C12orf42: variants seen among roughly 807,000 people sequenced by gnomAD.
The protein encoded by C12orf42 is uncharacterized protein C12orf42.
In C12orf42, 25 loss-of-function variants were observed where a neutral mutation model predicts 21.6. The observed-to-expected ratio is 1.16, with a 90% confidence interval of 0.84 to 1.62. The LOEUF (loss-of-function observed/expected upper bound fraction) is 1.62, where lower values mean the gene tolerates loss of function less well. Ranked by LOEUF, C12orf42 falls within the 40% of genes most tolerant of loss-of-function variation. The pLI, the probability that C12orf42 is intolerant of heterozygous loss-of-function variation, is 0.00. For missense variants in C12orf42, 483 were observed against 459.3 expected (o/e 1.05, Z -0.47); for synonymous variants, 174 against 175.0 (o/e 0.99, Z 0.05).
At chr12:103,158,064 G>A in the C12orf42 span, among the ~76,000 whole-genome samples, 1 of 152,050 alleles carries the variant, frequency 6.6e-6, no homozygotes, top group South Asian at 2.1e-4. Flanking sequence ...CAATAAAAAA[G>A]TATTTTCATT....
intron 3 of C12orf42, among the ~76,000 whole-genome samples, chr12:103,381,832 G>A (rs553338147): frequency 6.6e-6 from 1 of 152,082 alleles, no homozygotes; most frequent in Non-Finnish European, 1.5e-5. Flanking sequence ...CAGGAGAATG[G>A]CATGAACCTG....
the C12orf42 span, among the ~76,000 whole-genome samples, chr12:103,541,662 A>T: frequency 6.6e-6 from 1 of 152,030 alleles, no homozygotes; most frequent in South Asian, 2.1e-4. Flanking sequence ...TGTACTTACA[A>T]AAAAAAAGTT....
chr12:103,345,499 A>G lies in C12orf42; in HGVS notation c.259+23388T>C, dbSNP rs188723348. ...TTTACCATCACCACCTTTGCAGATT[A>G]AACCAATTAATCAGAAAATTATGGG... On this transcript the variant is annotated intron_variant, in intron 4 of 5. Coordinates refer to ENST00000548883, the MANE Select transcript of C12orf42 (RefSeq NM_198521.5). 3.3e-3 allele frequency among the ~76,000 whole-genome samples: 508 copies of G among 152,308 alleles called. 4 individuals carry two copies. The highest frequency in any genetic ancestry group is 0.011 in the African/African-American group (478 of 41,570).
chr12:103,077,631 T>C, the C12orf42 span, among the ~76,000 whole-genome samples: 17 of 152,168 alleles, frequency 1.1e-4, no homozygotes, highest in Non-Finnish European at 2.4e-4. Flanking sequence ...TTGAGCCTCT[T>C]GGAGACAAGG....
At chr12:103,069,606 A>G in the C12orf42 span, among the ~76,000 whole-genome samples, 4 of 152,304 alleles carry the variant, frequency 2.6e-5, no homozygotes, top group East Asian at 7.7e-4. Context: ...TTTCTACTGC[A>G]TGCGTATTGC....
Position 103,445,772 on chromosome 12 carries a change from C to G in C12orf42, c.78+32577G>C, listed in dbSNP as rs865920061. Among the ~76,000 whole-genome samples the G allele has an allele frequency of 3.3e-4, 50 of 152,096 alleles. 1 individual carries two copies. The highest frequency in any genetic ancestry group is 2.3e-3 in the South Asian group (11 of 4,820). ...CTTTAAGTACTATACTTATCAAGAC[C>G]TTTCTTTATAGTTAGTACTCTTTGG... On this transcript the variant is annotated intron_variant, in intron 2 of 5. Coordinates refer to ENST00000548883, the MANE Select transcript of C12orf42 (RefSeq NM_198521.5).
At chr12:103,532,631 CTTTG>C in the C12orf42 span, among the ~76,000 whole-genome samples, 1,224 of 152,220 alleles carry the variant, frequency 8.0e-3, 10 homozygotes, top group African/African-American at 0.028. Flanking sequence ...CTCTATTTTA[CTTTG>C]TTTAATTCTC....
At chr12:103,305,887 C>A in intron 5 of C12orf42, 87 bp downstream of exon 5, 1 of 1,451,358 alleles carries the variant, frequency 6.9e-7, no homozygotes, top group Non-Finnish European at 9.3e-7. Context: ...GCCATGAAGT[C>A]AATATTTTTT....
chr12:103,369,353 A>C (rs1417590479), intron 3 of C12orf42, among the ~76,000 whole-genome samples: 1 of 152,086 alleles, frequency 6.6e-6, no homozygotes, highest in Non-Finnish European at 1.5e-5. Context: ...GTGACAAAAA[A>C]AAACAAATAT....
chr12:103,087,128 C>T, the C12orf42 span, among the ~76,000 whole-genome samples: 6 of 152,098 alleles, frequency 3.9e-5, no homozygotes, highest in African/African-American at 1.4e-4. Context: ...GGTACACGTG[C>T]AGGTTTATCA....
intron 4 of C12orf42, among the ~76,000 whole-genome samples, chr12:103,333,455 G>C (rs559627080): frequency 1.3e-5 from 2 of 152,246 alleles, no homozygotes; most frequent in African/African-American, 4.8e-5. Context: ...GAACTACAAA[G>C]CTCACTCTTT....
the C12orf42 span, among the ~76,000 whole-genome samples, chr12:103,149,153 T>G: frequency 6.6e-6 from 1 of 152,152 alleles, no homozygotes. Flanking sequence ...AGACTGGGAT[T>G]AAATTGCATC....
At chr12:103,048,096 C>T in the C12orf42 span, among the ~76,000 whole-genome samples, 1 of 151,824 alleles carries the variant, frequency 6.6e-6, no homozygotes, top group Non-Finnish European at 1.5e-5. Context: ...ACTGAAGTGA[C>T]TGACTAGGAT....
the C12orf42 span, among the ~76,000 whole-genome samples, chr12:103,201,133 C>A: frequency 7.4e-4 from 112 of 152,304 alleles, no homozygotes; most frequent in Middle Eastern, 0.014. Context: ...GTGTGACATG[C>A]CATCAGGCAT....
chr12:103,174,326 A>G, the C12orf42 span, among the ~76,000 whole-genome samples: 210 of 152,338 alleles, frequency 1.4e-3, no homozygotes, highest in South Asian at 0.018. Context: ...TTGAGAACAA[A>G]AGGACTAATG....
intron 2 of C12orf42, among the ~76,000 whole-genome samples, chr12:103,410,398 T>C (rs1383973661): frequency 4.6e-5 from 7 of 152,204 alleles, no homozygotes; most frequent in South Asian, 2.1e-4. Flanking sequence ...CATCTGTGAG[T>C]CAAGACCCTT....
the C12orf42 span, among the ~76,000 whole-genome samples, chr12:103,536,098 A>T: frequency 6.6e-6 from 1 of 152,214 alleles, no homozygotes; most frequent in Non-Finnish European, 1.5e-5. Context: ...AGGAATTGTA[A>T]GAATGAATTG....
At chr12:103,231,235 A>C in the C12orf42 span, among the ~76,000 whole-genome samples, 16 of 152,356 alleles carry the variant, frequency 1.1e-4, no homozygotes, top group African/African-American at 3.8e-4. Context: ...ACACATGCAT[A>C]GCCTCCACCA....
At chr12:103,484,762 G>C (rs1454664756) in intron 1 of C12orf42, among the ~76,000 whole-genome samples, 1 of 151,536 alleles carries the variant, frequency 6.6e-6, no homozygotes, top group Non-Finnish European at 1.5e-5. Context: ...GTATTGCCTA[G>C]GTTTTCTTCT....
Sources: allele counts gnomAD v4.1 joint callset (sites outside exome capture counted in the v4.1 genomes callset), GRCh38; gene constraint gnomAD v4.1.1; transcripts MANE v1.5; gene names NCBI Gene and HGNC (gene_info 2026-07-23, HGNC 2026-07-21).